Variants in ZNF608 observed in about 807,000 individuals in gnomAD.
ZNF608 encodes the protein zinc finger protein 608.
ZNF608 carries 12 observed loss-of-function variants against 109.0 expected under a neutral mutation model. That is an observed-to-expected ratio of 0.11 (90% confidence interval 0.07 to 0.18). The LOEUF is 0.18. Ranked by LOEUF, ZNF608 falls within the 10% of genes least tolerant of loss-of-function variation. The probability of loss-of-function intolerance (pLI) is 1.00; values close to 1 mark genes in which losing one functional copy is unlikely to be tolerated. For synonymous variants in ZNF608, 732 were observed against 717.4 expected (o/e 1.02, Z -0.33); for missense variants, 1,707 against 1,879.3 (o/e 0.91, Z 1.70).
At chr5:124,646,518 T>C (rs912442698) in intron 5 of ZNF608, among the ~76,000 whole-genome samples, 161 bp downstream of exon 5, 14 of 152,182 alleles carry the variant, frequency 9.2e-5, no homozygotes, top group Admixed American at 4.6e-4. Context: ...TAGAGCTACA[T>C]AGTAACTCCT....
At chr5:124,667,541 C>T (rs1207396979) in intron 3 of ZNF608, among the ~76,000 whole-genome samples, 2 of 152,138 alleles carry the variant, frequency 1.3e-5, no homozygotes, top group Non-Finnish European at 2.9e-5. Context: ...GCAGGGTCTT[C>T]GATGTTGAAA....
chr5:124,669,841 C>T (rs994400359), intron 3 of ZNF608, among the ~76,000 whole-genome samples: 7 of 152,118 alleles, frequency 4.6e-5, no homozygotes, highest in African/African-American at 1.4e-4. Context: ...CTTATCAGAG[C>T]CACTAGGCTA....
chr5:124,665,578 T>C (rs1751445747), intron 3 of ZNF608, among the ~76,000 whole-genome samples: 1 of 152,248 alleles, frequency 6.6e-6, no homozygotes, highest in Non-Finnish European at 1.5e-5. Context: ...GATATAGCTG[T>C]AAACAATTTG....
chr5:124,745,609 A>G (rs1749611868), intron 1 of ZNF608, among the ~76,000 whole-genome samples: 1 of 152,218 alleles, frequency 6.6e-6, no homozygotes, highest in African/African-American at 2.4e-5. Flanking sequence ...AGATCTTGCA[A>G]TTTAGAAGAC....
intron 2 of ZNF608, among the ~76,000 whole-genome samples, chr5:124,725,728 TCTGA>T (rs796957746): frequency 5.3e-5 from 8 of 151,822 alleles, no homozygotes; most frequent in African/African-American, 1.9e-4. Flanking sequence ...GTACATATTC[TCTGA>T]CTTTCTCCTG....
At chr5:124,745,723 A>C (rs1243369480) in intron 1 of ZNF608, among the ~76,000 whole-genome samples, 3 of 152,204 alleles carry the variant, frequency 2.0e-5, no homozygotes, top group Non-Finnish European at 4.4e-5. Context: ...TTGTCTGGGC[A>C]ATCTGTTTTT....
intron 3 of ZNF608, among the ~76,000 whole-genome samples, chr5:124,658,268 C>T (rs746577836): frequency 2.0e-5 from 3 of 152,160 alleles, no homozygotes; most frequent in Non-Finnish European, 4.4e-5. Flanking sequence ...GCTGTGGTCC[C>T]TCAGCGCTCA....
intron 2 of ZNF608, among the ~76,000 whole-genome samples, chr5:124,733,562 G>A (rs1041252831): frequency 2.0e-5 from 3 of 152,068 alleles, no homozygotes; most frequent in African/African-American, 7.2e-5. Flanking sequence ...GGAAAAAGCC[G>A]GGGCAGACTG....
intron 3 of ZNF608, among the ~76,000 whole-genome samples, chr5:124,675,400 T>C (rs1288322271): frequency 6.6e-6 from 1 of 152,216 alleles, no homozygotes; most frequent in Non-Finnish European, 1.5e-5. Context: ...ATTTGAAGAC[T>C]GCTTTCTTCC....
At chr5:124,650,530 A>G (rs1443686209) in intron 3 of ZNF608, among the ~76,000 whole-genome samples, 3 of 152,254 alleles carry the variant, frequency 2.0e-5, no homozygotes, top group East Asian at 1.9e-4. Flanking sequence ...TTTCAGACAG[A>G]CAATTTAATT....
intron 1 of ZNF608, 24 bp downstream of exon 1, chr5:124,746,167 CACAT>C (rs1184596405): frequency 1.0e-5 from 10 of 984,976 alleles, no homozygotes; most frequent in Middle Eastern, 5.2e-4. Context: ...CATACACACA[CACAT>C]ACACACACAC....
At chr5:124,746,938 G>A (rs1210960833), upstream of ZNF608, 1 of 136,334 alleles carries the variant, frequency 7.3e-6, no homozygotes, top group Non-Finnish European at 1.6e-5. Flanking sequence ...GCATTCGCTC[G>A]GGGCGGGGGG....
Position 124,646,983 on chromosome 5 carries a change from G to C in ZNF608, c.3401C>G (p.Pro1134Arg), listed in dbSNP as rs755956432. The C allele has an allele frequency of 1.2e-6, 2 of 1,614,038 alleles. No homozygotes were observed. The highest frequency in any genetic ancestry group is 1.1e-5 in the South Asian group (1 of 91,064). Residue 1134 changes from proline (P) to arginine (R), a missense_variant, in exon 5 of 10, where the codon CCC (proline) becomes CGC (arginine). Physicochemically the swap from Pro to Arg is moderately radical, Grantham distance 103. Transcript: ENST00000513986. The part of the protein sequence containing the change: ...RGDCERKSEL[P>R]LKELGKEETK... Reference sequence around the variant, plus strand: ...TTCCTCCTTGCCCAGCTCTTTCAAGGGGAGCTCACTTTTCCTTTCACAGTC... The same window carrying C: ...TTCCTCCTTGCCCAGCTCTTTCAAGCGGAGCTCACTTTTCCTTTCACAGTC...
intron 2 of ZNF608, among the ~76,000 whole-genome samples, chr5:124,726,693 CT>C (rs1754153427): frequency 1.3e-5 from 2 of 149,498 alleles, no homozygotes; most frequent in Non-Finnish European, 3.0e-5. Flanking sequence ...AAGTCACTGC[CT>C]TGCTCAAAAT....
chr5:124,690,946 C>CACACACAG (rs1752598045), intron 3 of ZNF608, among the ~76,000 whole-genome samples: 1 of 102,254 alleles, frequency 9.8e-6, no homozygotes, highest in African/African-American at 5.5e-5. Flanking sequence ...CACACACACA[C>CACACACAG]ACACACACAT....
At chr5:124,709,033 G>A (rs1032917315) in intron 2 of ZNF608, among the ~76,000 whole-genome samples, 1 of 151,902 alleles carries the variant, frequency 6.6e-6, no homozygotes, top group African/African-American at 2.4e-5. Context: ...TTAGCTGGGC[G>A]TGGTAGCGGC....
chr5:124,746,602 G>C lies in ZNF608; in HGVS notation c.-591C>G. On this transcript the variant is annotated 5_prime_UTR_variant, in exon 1 of 10. The change creates a new upstream start codon in the 5' untranslated region. Coordinates refer to ENST00000513986, the MANE Select transcript of ZNF608 (RefSeq NM_020747.3). ...CTTCAGAGTCACCGTGATCAGTAATGATCCCATGTAGCAAACCTACAGGCG... is the reference window on the plus strand; with the variant it reads ...CTTCAGAGTCACCGTGATCAGTAATCATCCCATGTAGCAAACCTACAGGCG... The C allele has an allele frequency of 1.0e-6, 1 of 985,372 alleles. No individual in the cohort carries two copies. The highest frequency in any genetic ancestry group is 1.2e-6 in the Non-Finnish European group (1 of 829,916). The allele number at this position is 985,372 out of a possible 1,614,324, so 61.0% of individuals were successfully genotyped here. A position where few individuals can be genotyped will look rare whatever the true frequency, so the allele number is the denominator to read the frequency against.
At chr5:124,669,760 T>C (rs1161253735) in intron 3 of ZNF608, among the ~76,000 whole-genome samples, 2 of 152,148 alleles carry the variant, frequency 1.3e-5, no homozygotes, top group Non-Finnish European at 2.9e-5. Flanking sequence ...ACTCGCCAGA[T>C]GATAAAAATA....
intron 2 of ZNF608, among the ~76,000 whole-genome samples, chr5:124,729,392 A>C (rs1293817689): frequency 1.3e-5 from 2 of 152,326 alleles, no homozygotes; most frequent in Admixed American, 1.3e-4. Flanking sequence ...GAGGTACCTA[A>C]CAATGCCCCT....
Sources: allele counts gnomAD v4.1 joint callset (sites outside exome capture counted in the v4.1 genomes callset), GRCh38; gene constraint gnomAD v4.1.1; transcripts MANE v1.5; gene names NCBI Gene and HGNC (gene_info 2026-07-23, HGNC 2026-07-21).